The following PCDHGB6 variants were observed in gnomAD, a reference collection of about 807,000 sequenced individuals.
The protein encoded by PCDHGB6 is protocadherin gamma-B6.
In PCDHGB6, 51 loss-of-function variants were observed where a neutral mutation model predicts 59.1. The ratio of observed to expected loss-of-function variants is 0.86; its 90% CI spans 0.69 to 1.09. The LOEUF is 1.09. Among genes scored for constraint, PCDHGB6 ranks in the 50% least tolerant of loss-of-function variants. The probability of loss-of-function intolerance (pLI) is 0.00; values close to 1 mark genes in which losing one functional copy is unlikely to be tolerated. For missense variants in PCDHGB6, 1,148 were observed against 1,205.1 expected (o/e 0.95, Z 0.70); for synonymous variants, 466 against 495.1 (o/e 0.94, Z 0.78).
intron 1 of PCDHGB6, chr5:141,423,181 C>T: frequency 1.2e-6 from 2 of 1,613,578 alleles, no homozygotes; most frequent in East Asian, 2.2e-5. Flanking sequence ...GGACCACGGC[C>T]AGCCCCCTCT....
chr5:141,421,750 C>A lies in PCDHGB6; in HGVS notation c.2418+11130C>A, dbSNP rs766529731. On this transcript the variant is annotated intron_variant, in intron 1 of 3. Coordinates refer to ENST00000520790, the MANE Select transcript of PCDHGB6 (RefSeq NM_018926.3). ...CTCCCTCCAGAGCTACCAGCTCAGC[C>A]CTAATAATTACTTTTCCTTGCAACT... 4.3e-6 allele frequency: 7 copies of A among 1,613,788 alleles called. No individual in the cohort carries two copies. Among genetic ancestry groups the A allele is most frequent in the Non-Finnish European group, 5.9e-6 (7 of 1,179,864 alleles).
rs1228831823 is a variant in PCDHGB6, at chr5:141,487,778, T to C, written c.2419-7029T>C. ...GGTAGACGCTGTGCTTTGTAACTGT[T>C]TCGTGAATTAACCAGAGTTGTCACA... On this transcript the variant is annotated intron_variant, in intron 1 of 3. Coordinates refer to ENST00000520790, the MANE Select transcript of PCDHGB6 (RefSeq NM_018926.3). The surrounding 1 kb of genome is among the most constrained non-coding windows in gnomAD (Gnocchi z 5.0). The C allele has an allele frequency of 6.5e-7, 1 of 1,531,514 alleles. No individual in the cohort carries two copies. The highest frequency in any genetic ancestry group is 2.0e-5 in the Admixed American group (1 of 49,632). 94.9% of individuals were successfully genotyped at this position (1,531,514 alleles called of 1,614,324 possible).
chr5:141,502,615 A>G (rs2099815317), intron 2 of PCDHGB6, among the ~76,000 whole-genome samples: 1 of 152,218 alleles, frequency 6.6e-6, no homozygotes, highest in Non-Finnish European at 1.5e-5. Context: ...TTGTGAAAAT[A>G]TAAGTAATCT....
At chr5:141,497,741 G>A (rs767561907) in intron 2 of PCDHGB6, among the ~76,000 whole-genome samples, 24 of 152,050 alleles carry the variant, frequency 1.6e-4, no homozygotes, top group Non-Finnish European at 2.6e-4. Context: ...GTTTCGCCAC[G>A]TTGGCCAGGC....
chr5:141,422,633 G>T lies in PCDHGB6; in HGVS notation c.2418+12013G>T, dbSNP rs769515606. 10 of 1,613,120 alleles carry T rather than the reference G, an allele frequency of 6.2e-6. No individual in the cohort carries two copies. In the East Asian group the frequency reaches 2.0e-4, roughly 32 times the overall value. ...TACATTCCCGAAAACAACCCCAGGG[G>T]TGCCTCCATCTTCTCAGTGACCGCC... On this transcript the variant is annotated intron_variant, in intron 1 of 3. Coordinates refer to ENST00000520790, the MANE Select transcript of PCDHGB6 (RefSeq NM_018926.3).
chr5:141,445,075 A>G (rs1251499929), intron 1 of PCDHGB6, among the ~76,000 whole-genome samples: 1 of 152,170 alleles, frequency 6.6e-6, no homozygotes, highest in East Asian at 1.9e-4. Context: ...TTCTCATTAA[A>G]TTGTCCCTAC....
rs746692686 is a variant in PCDHGB6, at chr5:141,408,333, G to T, written c.131G>T (p.Gly44Val). The T allele has an allele frequency of 3.7e-6, 6 of 1,613,924 alleles. No individual in the cohort carries two copies. The highest frequency in any genetic ancestry group is 3.3e-5 in the Admixed American group (2 of 60,026). ...TCGATTCCGGAGGAGCTGGCCAAGG[G>T]CTCGGTGGTGGGGAACCTCGCTAAG... is the stretch of plus-strand genomic sequence containing the variant. ...RYSIPEELAK[G>V]SVVGNLAKDL... The change falls in exon 1 of 4, where the codon GGC (glycine) becomes GTC (valine). Residue 44 changes from glycine (G) to valine (V), a missense_variant. This residue lies in a region of PCDHGB6 where 307 missense variants were observed against 323.8 expected (regional missense o/e 0.95). Coordinates refer to ENST00000520790, the MANE Select transcript of PCDHGB6 (RefSeq NM_018926.3).
intron 1 of PCDHGB6, chr5:141,478,491 G>A: frequency 6.2e-7 from 1 of 1,613,152 alleles, no homozygotes; most frequent in Non-Finnish European, 8.5e-7. Flanking sequence ...CTGCGGAGCT[G>A]TGATCCGGTG....
In PCDHGB6 at chr5:141,490,654, C is replaced by A; in HGVS notation, c.2419-4153C>A. On this transcript the variant is annotated intron_variant, in intron 1 of 3. Transcript: ENST00000520790. The surrounding 1 kb of genome is among the most constrained non-coding windows in gnomAD (Gnocchi z 5.4). ...CCTAGAAAACCGGCCTCCGGGCTCC[C>A]TTCTTTGCACTGTGGCTGCCTCAGA... 6.2e-7 allele frequency: 1 copy of A among 1,614,206 alleles called. No individual in the cohort carries two copies. Among genetic ancestry groups the A allele is most frequent in the Non-Finnish European group, 8.5e-7 (1 of 1,180,014 alleles).
Position 141,511,344 on chromosome 5 carries a change from T to G in PCDHGB6, c.*171T>G, listed in dbSNP as rs2099883730. 3 of 1,419,052 alleles carry G rather than the reference T, an allele frequency of 2.1e-6. No homozygotes were observed. Among genetic ancestry groups the G allele is most frequent in the Non-Finnish European group, 2.8e-6 (3 of 1,067,404 alleles). 87.9% of individuals were successfully genotyped at this position (1,419,052 alleles called of 1,614,324 possible). On this transcript the variant is annotated 3_prime_UTR_variant, in exon 4 of 4. Coordinates refer to ENST00000520790, the MANE Select transcript of PCDHGB6 (RefSeq NM_018926.3). The stretch of plus-strand genomic sequence containing the variant: ...CAAGTGCCCAGTCAGCACCTACCCC[T>G]TCCCCCCCAGGGGGTTGAATATGCA...
rs781026604 is a variant in PCDHGB6, at chr5:141,490,471, C to A, written c.2419-4336C>A. The A allele has an allele frequency of 6.2e-7, 1 of 1,614,214 alleles. No individual in the cohort carries two copies. The highest frequency in any genetic ancestry group is 1.1e-5 in the South Asian group (1 of 91,088). On this transcript the variant is annotated intron_variant, in intron 1 of 3. Transcript: ENST00000520790. This position sits in a 1 kb window ranked among gnomAD's most constrained non-coding sequence, Gnocchi z 5.4. ...CCACTACTCGCTGCTAACCAGCCAGCCTTTGGACCGGGAGGCCACATCCCA... is the reference window on the plus strand; with the variant it reads ...CCACTACTCGCTGCTAACCAGCCAGACTTTGGACCGGGAGGCCACATCCCA...
At chr5:141,414,225 G>A in intron 1 of PCDHGB6, 1 of 1,613,398 alleles carries the variant, frequency 6.2e-7, no homozygotes, top group Non-Finnish European at 8.5e-7. Context: ...ACAGTCCAGA[G>A]CTGACCATCA....
At chr5:141,414,363 T>C in intron 1 of PCDHGB6, 3 of 1,613,910 alleles carry the variant, frequency 1.9e-6, no homozygotes, top group Non-Finnish European at 1.7e-6. Context: ...ATCTACCATT[T>C]AAATTAGAAA....
At chr5:141,449,500 A>G (rs1034917703) in intron 1 of PCDHGB6, among the ~76,000 whole-genome samples, 6 of 151,300 alleles carry the variant, frequency 4.0e-5, no homozygotes, top group African/African-American at 1.5e-4. Flanking sequence ...GAGGCATGAG[A>G]AATGCTTGAA....
rs773232677 is a variant in PCDHGB6, at chr5:141,490,388, G to A, written c.2419-4419G>A. 2 of 1,614,206 alleles carry A rather than the reference G, an allele frequency of 1.2e-6. No homozygotes were observed. The highest frequency in any genetic ancestry group is 2.2e-5 in the East Asian group (1 of 44,878). The stretch of plus-strand genomic sequence containing the variant: ...CGAGACCGGGACTCAGGTAGAAATG[G>A]TGAAGTGAGCCTTGATATCTCTCCG... On this transcript the variant is annotated intron_variant, in intron 1 of 3. Transcript: ENST00000520790. The surrounding 1 kb of genome is among the most constrained non-coding windows in gnomAD (Gnocchi z 5.4).
intron 1 of PCDHGB6, among the ~76,000 whole-genome samples, chr5:141,447,975 A>G (rs1352829510): frequency 6.6e-6 from 1 of 151,928 alleles, no homozygotes; most frequent in Non-Finnish European, 1.5e-5. Flanking sequence ...AATCCCAGCT[A>G]CTCGGGAGGC....
intron 1 of PCDHGB6, among the ~76,000 whole-genome samples, chr5:141,460,764 G>A (rs2098996981): frequency 6.6e-6 from 1 of 150,516 alleles, no homozygotes; most frequent in Admixed American, 6.7e-5. Flanking sequence ...TATACATATT[G>A]CATATGTATG....
chr5:141,492,787 G>A (rs1308203463), intron 1 of PCDHGB6, among the ~76,000 whole-genome samples: 2 of 152,254 alleles, frequency 1.3e-5, no homozygotes, highest in Admixed American at 6.5e-5. Context: ...AGCCTCTATA[G>A]GACAGCAGGA....
intron 1 of PCDHGB6, chr5:141,433,272 C>G (rs1161817377): frequency 8.0e-7 from 1 of 1,252,412 alleles, no homozygotes; most frequent in Non-Finnish European, 1.1e-6. Flanking sequence ...TAGCTCACTG[C>G]AGCCTCAAAC....
Sources: allele counts gnomAD v4.1 joint callset (sites outside exome capture counted in the v4.1 genomes callset), GRCh38; gene constraint gnomAD v4.1.1; regional missense constraint gnomAD v4.1.1; non-coding constraint Gnocchi (gnomAD v3.1); transcripts MANE v1.5; gene names NCBI Gene and HGNC (gene_info 2026-07-23, HGNC 2026-07-21).